Variants in SLC2A13 observed in about 807,000 individuals in gnomAD.
The protein encoded by SLC2A13 is solute carrier family 2 member 13.
Under a neutral mutation model 64.4 loss-of-function variants are expected in SLC2A13, and 32 were observed. The observed-to-expected ratio is 0.50, with a 90% CI of 0.37 to 0.67. The LOEUF is 0.67. Ranked by LOEUF, SLC2A13 falls within the 30% of genes least tolerant of loss-of-function variation. The pLI is 0.00. For missense variants in SLC2A13, 743 were observed against 829.2 expected (o/e 0.90, Z 1.28); for synonymous variants, 338 against 327.1 (o/e 1.03, Z -0.36).
chr12:39,871,652 T>G (rs1187291875), intron 5 of SLC2A13, 146 bp downstream of exon 5: 3 of 728,496 alleles, frequency 4.1e-6, no homozygotes, highest in Non-Finnish European at 6.0e-6. Flanking sequence ...TTTTTTTTCT[T>G]TTTTGGTCTA....
chr12:39,940,525 T>C (rs962148802), intron 4 of SLC2A13, among the ~76,000 whole-genome samples: 51 of 152,186 alleles, frequency 3.4e-4, no homozygotes, highest in African/African-American at 1.1e-3. Context: ...TATGAATGAC[T>C]CATTCAACCA....
At chr12:39,783,734 T>C (rs1941082653) in intron 7 of SLC2A13, among the ~76,000 whole-genome samples, 1 of 152,208 alleles carries the variant, frequency 6.6e-6, no homozygotes, top group Non-Finnish European at 1.5e-5. Flanking sequence ...CTTGTAAATT[T>C]GTTTGAGTTC....
chr12:40,091,942 A>T (rs1938783048), intron 1 of SLC2A13, among the ~76,000 whole-genome samples: 1 of 152,226 alleles, frequency 6.6e-6, no homozygotes, highest in Admixed American at 6.5e-5. Flanking sequence ...ATTAATCCAT[A>T]CAATAACTCT....
At chr12:39,831,779 G>T (rs899993402) in intron 6 of SLC2A13, among the ~76,000 whole-genome samples, 2 of 151,986 alleles carry the variant, frequency 1.3e-5, no homozygotes, top group African/African-American at 4.8e-5. Flanking sequence ...TCTCTCTCTT[G>T]CTCCCACTTT....
At chr12:39,916,358 T>TA (rs1182198899) in intron 4 of SLC2A13, among the ~76,000 whole-genome samples, 5 of 151,972 alleles carry the variant, frequency 3.3e-5, no homozygotes, top group African/African-American at 9.7e-5. Flanking sequence ...TTTAAAAACA[T>TA]AAAAAACATG....
intron 4 of SLC2A13, among the ~76,000 whole-genome samples, chr12:39,933,766 A>G (rs1242844839): frequency 6.6e-6 from 1 of 152,172 alleles, no homozygotes; most frequent in South Asian, 2.1e-4. Flanking sequence ...AAAATCCTGG[A>G]TTTGAGGCCT....
intron 7 of SLC2A13, chr12:39,829,550 A>T (rs1185553937): frequency 6.4e-6 from 1 of 157,274 alleles, no homozygotes; most frequent in Admixed American, 6.1e-5. Flanking sequence ...AGCAGCTGGG[A>T]TTACAGGCAT....
chr12:39,892,043 A>C (rs772491583), intron 4 of SLC2A13, among the ~76,000 whole-genome samples: 1 of 152,206 alleles, frequency 6.6e-6, no homozygotes, highest in Non-Finnish European at 1.5e-5. Flanking sequence ...AAAGAAGAGA[A>C]GATCTATTAG....
intron 2 of SLC2A13, among the ~76,000 whole-genome samples, chr12:40,038,518 C>T (rs1948026420): frequency 6.6e-6 from 1 of 151,870 alleles, no homozygotes; most frequent in Non-Finnish European, 1.5e-5. Flanking sequence ...TCACTTGAGC[C>T]CAGGAGTTTA....
chr12:39,841,944 T>C (rs1943190154), intron 6 of SLC2A13, among the ~76,000 whole-genome samples: 1 of 152,052 alleles, frequency 6.6e-6, no homozygotes, highest in African/African-American at 2.4e-5. Flanking sequence ...TCACAGACAG[T>C]TTACCATGCA....
At chr12:39,819,292 A>T (rs1484599042) in intron 7 of SLC2A13, among the ~76,000 whole-genome samples, 1 of 152,016 alleles carries the variant, frequency 6.6e-6, no homozygotes, top group East Asian at 1.9e-4. Flanking sequence ...CGTTTGGAGA[A>T]TTTTTTTTCT....
chr12:39,842,718 A>G (rs1273087651), intron 6 of SLC2A13, among the ~76,000 whole-genome samples: 1 of 152,044 alleles, frequency 6.6e-6, no homozygotes, highest in Non-Finnish European at 1.5e-5. Flanking sequence ...AAGCATCACC[A>G]CTATCCAATT....
chr12:39,773,400 C>T (rs1940657279), intron 7 of SLC2A13, among the ~76,000 whole-genome samples: 2 of 152,278 alleles, frequency 1.3e-5, no homozygotes, highest in Admixed American at 6.5e-5. Context: ...ATGGAATACA[C>T]AGAACTCCCT....
intron 1 of SLC2A13, 93 bp from the exon 2 acceptor site, chr12:40,048,303 T>A: frequency 7.8e-7 from 1 of 1,287,640 alleles, no homozygotes; most frequent in Middle Eastern, 2.2e-4. Flanking sequence ...CACTTACATA[T>A]ATGGGCTTGG....
intron 7 of SLC2A13, among the ~76,000 whole-genome samples, chr12:39,779,095 G>A (rs1940883091): frequency 6.6e-6 from 1 of 152,168 alleles, no homozygotes; most frequent in Non-Finnish European, 1.5e-5. Flanking sequence ...CCAAGGGCTG[G>A]CATAAGTTGG....
intron 7 of SLC2A13, among the ~76,000 whole-genome samples, chr12:39,769,155 C>T (rs1440259136): frequency 1.3e-5 from 2 of 152,166 alleles, no homozygotes; most frequent in East Asian, 3.9e-4. Flanking sequence ...TTATTTTATC[C>T]TTTATTGTCT....
intron 1 of SLC2A13, among the ~76,000 whole-genome samples, chr12:40,078,068 T>C (rs1938247907): frequency 6.6e-6 from 1 of 152,156 alleles, no homozygotes; most frequent in Admixed American, 6.5e-5. Context: ...GTATGGGGTT[T>C]TCTAGATATA....
intron 3 of SLC2A13, among the ~76,000 whole-genome samples, chr12:39,998,324 G>A (rs986953540): frequency 2.0e-5 from 3 of 152,232 alleles, no homozygotes; most frequent in African/African-American, 7.2e-5. Context: ...ATAAGTGGGA[G>A]CTAAATTATG....
intron 6 of SLC2A13, among the ~76,000 whole-genome samples, chr12:39,859,400 C>A (rs1255065162): frequency 6.8e-6 from 1 of 146,434 alleles, no homozygotes; most frequent in Non-Finnish European, 1.5e-5. Context: ...ACTGGCATCA[C>A]CTGGGGAGCA....
Sources: allele counts gnomAD v4.1 joint callset (sites outside exome capture counted in the v4.1 genomes callset), GRCh38; gene constraint gnomAD v4.1.1; transcripts MANE v1.5; gene names NCBI Gene and HGNC (gene_info 2026-07-23, HGNC 2026-07-21).